The following TBC1D28 variants were observed in gnomAD, a reference collection of about 807,000 sequenced individuals.
The protein encoded by TBC1D28 is TBC1 domain family member 28.
A neutral mutation model predicts 29.2 loss-of-function variants in TBC1D28; 20 were observed. That is an observed-to-expected ratio of 0.68 (90% CI 0.48 to 0.99). TBC1D28 has a LOEUF of 0.99. TBC1D28 is among the 50% of genes least tolerant of loss of function. The pLI, the probability that TBC1D28 is intolerant of heterozygous loss-of-function variation, is 0.00. For missense variants in TBC1D28, 205 were observed against 243.7 expected, an observed-to-expected ratio of 0.84 and a Z score of 1.06; for synonymous variants, 65 against 90.9, an observed-to-expected ratio of 0.71 and a Z score of 1.62.
chr17:18,636,579 G>A lies in TBC1D28; in HGVS notation c.516C>T (p.Asp172=), dbSNP rs2031509962. ...TATATGCAGAATAGGCCACGAGGATGTCACATAATTCCTGCTGCCTAGAAA... is the reference window on the plus strand; with the variant it reads ...TATATGCAGAATAGGCCACGAGGATATCACATAATTCCTGCTGCCTAGAAA... Residue 172 remains aspartate, a synonymous_variant, in exon 9 of 9, where the codon GAC becomes GAT. Transcript: ENST00000345096. The A allele has an allele frequency of 1.9e-6, 3 of 1,613,448 alleles. No individual in the cohort carries two copies. In the South Asian group the frequency reaches 3.3e-5, roughly 18 times the overall value.
At chr17:18,638,522 C>T (rs1301272865) in intron 6 of TBC1D28, 99 bp downstream of exon 7, 3 of 1,456,038 alleles carry the variant, frequency 2.1e-6, no homozygotes, top group Non-Finnish European at 1.9e-6. Flanking sequence ...TGGGGTACCA[C>T]CCACCCACTG....
chr17:18,638,121 T>G, intron 7 of TBC1D28, 148 bp from the exon 9 acceptor site: 1 of 1,436,312 alleles, frequency 7.0e-7, no homozygotes, highest in Non-Finnish European at 9.6e-7. Flanking sequence ...TTGCCTTGTT[T>G]CTGACGCCAG....
Position 18,637,985 on chromosome 17 carries a change from G to A in TBC1D28, c.388-12C>T, listed in dbSNP as rs989399975. 3.8e-5 allele frequency: 51 copies of A among 1,341,830 alleles called. No homozygotes were observed. The African/African-American group carries it at 6.7e-4, about 18-fold the overall frequency. The allele number at this position is 1,341,830 out of a possible 1,614,324, so 83.1% of individuals were successfully genotyped here. A position where few individuals can be genotyped will look rare whatever the true frequency, so the allele number is the denominator to read the frequency against. On this transcript the variant is annotated splice_polypyrimidine_tract_variant and intron_variant, in intron 7 of 8. Coordinates refer to ENST00000345096, the Ensembl canonical transcript of TBC1D28. ...TTCTCCTTCATGACCTGTAGGGCGGGGCCAAGAGGAGGAAGCAGCCTCAGA... is the reference window on the plus strand; with the variant it reads ...TTCTCCTTCATGACCTGTAGGGCGGAGCCAAGAGGAGGAAGCAGCCTCAGA...
chr17:18,634,556 C>T (rs2031385707), downstream of TBC1D28, among the ~76,000 whole-genome samples: 1 of 151,954 alleles, frequency 6.6e-6, no homozygotes, highest in Non-Finnish European at 1.5e-5. Flanking sequence ...TAGGAGAAAA[C>T]GCGTAATAAA....
upstream of TBC1D28, among the ~76,000 whole-genome samples, chr17:18,644,130 C>T (rs2031891989): frequency 2.6e-5 from 4 of 151,692 alleles, no homozygotes; most frequent in Admixed American, 2.0e-4. Flanking sequence ...CATTCGGGGA[C>T]AGCACCCACC....
chr17:18,636,718 T>C (rs893266807), intron 8 of TBC1D28, 121 bp from the exon 10 acceptor site: 34 of 1,266,276 alleles, frequency 2.7e-5, no homozygotes, highest in Non-Finnish European at 3.3e-5. Context: ...AAATAAGCAG[T>C]GAGCTCTTTA....
At chr17:18,638,349 A>C in exon 7 of TBC1D28, 1 of 1,614,224 alleles carries the variant, frequency 6.2e-7, no homozygotes, top group Non-Finnish European at 8.5e-7. Context: ...TGATTTTGTC[A>C]ATATCTAGCA....
At chr17:18,636,240 A>G in exon 9 of TBC1D28, 1 of 1,326,948 alleles carries the variant, frequency 7.5e-7, no homozygotes, top group Middle Eastern at 2.9e-4. Flanking sequence ...CCCATCAGGC[A>G]CCTCAGCAAC....
At chr17:18,635,780 A>G (rs2031467040) in exon 9 of TBC1D28, 1 of 986,248 alleles carries the variant, frequency 1.0e-6, no homozygotes, top group East Asian at 1.1e-4. Flanking sequence ...GTTTCCGGGA[A>G]GGCAGAATCA....
intron 7 of TBC1D28, 64 bp from the exon 9 acceptor site, chr17:18,638,037 C>A: frequency 8.7e-6 from 13 of 1,498,748 alleles, no homozygotes; most frequent in Non-Finnish European, 1.1e-5. Flanking sequence ...CTGCCCCAAA[C>A]GGCAGTCATC....
exon 9 of TBC1D28, chr17:18,636,523 G>A (rs759715864): frequency 5.0e-6 from 8 of 1,613,914 alleles, no homozygotes; most frequent in Admixed American, 1.7e-5. Context: ...CAGGTACCAG[G>A]AATATCGCTG....
At chr17:18,634,327 G>T (rs2031378324), downstream of TBC1D28, among the ~76,000 whole-genome samples, 1 of 151,830 alleles carries the variant, frequency 6.6e-6, no homozygotes, top group African/African-American at 2.4e-5. Flanking sequence ...GTGATTTTGC[G>T]AAACAAACAA....
intron 4 of TBC1D28, among the ~76,000 whole-genome samples, chr17:18,640,273 C>T: frequency 6.7e-6 from 1 of 148,300 alleles, no homozygotes; most frequent in East Asian, 2.2e-4. Flanking sequence ...ATCTGTTGTC[C>T]TCCCCAGGCT....
chr17:18,642,894 T>A (rs1478875557), upstream of TBC1D28: 2 of 152,210 alleles, frequency 1.3e-5, no homozygotes, highest in Non-Finnish European at 2.9e-5. Context: ...CATTTTGAGG[T>A]CATGGCACCC....
rs1597480771 is a variant in TBC1D28, at chr17:18,637,854, T to C, written c.497+10A>G. 1.2e-6 allele frequency: 2 copies of C among 1,613,542 alleles called. No individual in the cohort carries two copies. On this transcript the variant is annotated intron_variant, in intron 8 of 8. Coordinates refer to ENST00000345096, the Ensembl canonical transcript of TBC1D28. ...TTCTCTGGGACCCCTGCAAGCCCCATTGGCCTTACTTGACTCCGAATCTTT... is the reference window on the plus strand; with the variant it reads ...TTCTCTGGGACCCCTGCAAGCCCCACTGGCCTTACTTGACTCCGAATCTTT...
exon 9 of TBC1D28, chr17:18,636,390 G>C: frequency 2.5e-6 from 4 of 1,582,046 alleles, no homozygotes; most frequent in Non-Finnish European, 3.4e-6. Flanking sequence ...AGGAGTCTGG[G>C]CTTCAACCCT....
At chr17:18,643,934 T>G (rs1254608341), upstream of TBC1D28, among the ~76,000 whole-genome samples, 1 of 152,152 alleles carries the variant, frequency 6.6e-6, no homozygotes, top group African/African-American at 2.4e-5. Flanking sequence ...TCCATCCCAG[T>G]AGCTCTTTCA....
rs551293470 is a variant in TBC1D28 at position 18,638,016 on chromosome 17, C to T, written c.388-43G>A. On this transcript the variant is annotated intron_variant, in intron 7 of 8. Coordinates refer to ENST00000345096, the Ensembl canonical transcript of TBC1D28. Reference sequence around the variant, plus strand: ...GAGGAGGAAGCAGCCTCAGAACAGACAAAAGACTCCCTGCCCCAAACGGCA... The same window carrying T: ...GAGGAGGAAGCAGCCTCAGAACAGATAAAAGACTCCCTGCCCCAAACGGCA... 8.0e-6 allele frequency: 11 copies of T among 1,379,898 alleles called. No individual in the cohort carries two copies. In the South Asian group the frequency reaches 1.2e-4, roughly 16 times the overall value. 85.5% of individuals were successfully genotyped at this position (1,379,898 alleles called of 1,614,324 possible).
intron 8 of TBC1D28, 35 bp from the exon 10 acceptor site, chr17:18,636,632 T>C: frequency 6.3e-7 from 1 of 1,598,098 alleles, no homozygotes; most frequent in Non-Finnish European, 8.5e-7. Context: ...TTGTTTTTTT[T>C]GTGCAGACGC....
Sources: gnomAD v4.1 joint callset for allele counts (sites outside exome capture counted in the v4.1 genomes callset) on GRCh38, gnomAD v4.1.1 for gene constraint, MANE v1.5 for transcripts, NCBI Gene and HGNC (gene_info 2026-07-23, HGNC 2026-07-21) for gene names.